Variants in DDAH1 observed in about 807,000 individuals in gnomAD.
DDAH1 encodes N(G),N(G)-dimethylarginine dimethylaminohydrolase 1.
A neutral mutation model predicts 28.8 loss-of-function variants in DDAH1; 19 were observed. The observed-to-expected ratio is 0.66, with a 90% confidence interval of 0.46 to 0.97. The LOEUF (loss-of-function observed/expected upper bound fraction) is 0.97. Among genes scored for constraint, DDAH1 ranks in the 50% least tolerant of loss-of-function variants. The pLI is 0.00. For synonymous variants in DDAH1, 153 were observed against 154.4 expected (o/e 0.99, Z 0.07); for missense variants, 326 against 375.9 (o/e 0.87, Z 1.10).
intron 1 of DDAH1, among the ~76,000 whole-genome samples, chr1:85,507,721 T>C (rs762833899): frequency 2.6e-5 from 4 of 152,202 alleles, no homozygotes; most frequent in Admixed American, 6.5e-5. Flanking sequence ...TAAGAGTCCT[T>C]TGAAGTTCTC....
At chr1:85,399,194 A>AT (rs1318191821) in intron 1 of DDAH1, 1 of 152,202 alleles carries the variant, frequency 6.6e-6, no homozygotes, top group African/African-American at 2.4e-5. Flanking sequence ...AACTCCTGGC[A>AT]TTATCCTTTT....
intron 1 of DDAH1, chr1:85,376,881 T>C (rs972472010): frequency 6.6e-6 from 1 of 150,626 alleles, no homozygotes; most frequent in African/African-American, 2.4e-5. Flanking sequence ...AAATAAGTAA[T>C]AGCCCCAATA....
At chr1:85,338,978 C>T (rs138233335) in intron 4 of DDAH1, among the ~76,000 whole-genome samples, 6,451 of 148,986 alleles carry the variant, frequency 0.043, 487 homozygotes, top group African/African-American at 0.15. Context: ...ACCTGGGAGG[C>T]GGAGGTTGCC....
In DDAH1 at chr1:85,464,899, G is replaced by A. The variant is rs756512211; in HGVS notation, c.147C>T (p.Leu49=). 3 of 1,569,776 alleles carry A rather than the reference G, an allele frequency of 1.9e-6. No individual in the cohort carries two copies. The highest frequency in any genetic ancestry group is 2.8e-5 in the African/African-American group (2 of 71,388). Residue 49 remains leucine, a synonymous_variant, in exon 1 of 6, where the codon CTC becomes CTT. Transcript: ENST00000284031. The surrounding 1 kb of genome is among the most constrained non-coding windows in gnomAD (Gnocchi z 4.4). ...GCTTGCTGCCCAGCACGCCCACGTA[G>A]AGCTGGTGCTGCCGTTCCGCGCGGG... The part of the protein sequence containing the change: ...DVARAERQHQ[L]YVGVLGSKLG...
At chr1:85,569,876 AC>A (rs1313461937) in intron 1 of DDAH1, among the ~76,000 whole-genome samples, 2 of 152,344 alleles carry the variant, frequency 1.3e-5, no homozygotes, top group East Asian at 3.9e-4. Context: ...TCTTGTTTCC[AC>A]AACCTAGTCT....
chr1:85,339,971 T>C (rs75470914), intron 4 of DDAH1, among the ~76,000 whole-genome samples: 1 of 151,576 alleles, frequency 6.6e-6, no homozygotes. Context: ...GAAATCATCC[T>C]TTTTTTTTAA....
In DDAH1 at chr1:85,480,296, C is replaced by T. The variant is rs544812820; in HGVS notation, c.-7+15870G>A. Among the ~76,000 whole-genome samples, 5 of 152,308 alleles carry T rather than the reference C, an allele frequency of 3.3e-5. No individual in the cohort carries two copies. In the South Asian group the frequency reaches 6.2e-4, roughly 19 times the overall value. ...CTGGAGTTCATTTTGTCAGATTCCT[C>T]TTAAGCTTCTAATAAAACCTAATAA... On this transcript the variant is annotated intron_variant, in intron 2 of 6. Transcript: ENST00000426972.
intron 1 of DDAH1, among the ~76,000 whole-genome samples, chr1:85,429,599 C>T (rs1399325062): frequency 3.3e-5 from 5 of 152,210 alleles, no homozygotes; most frequent in Admixed American, 3.3e-4. Flanking sequence ...ACACTGACTT[C>T]CACAATGGTT....
chr1:85,563,398 G>A (rs1386566347), intron 1 of DDAH1, among the ~76,000 whole-genome samples: 1 of 152,222 alleles, frequency 6.6e-6, no homozygotes, highest in African/African-American at 2.4e-5. Flanking sequence ...AGCAGCCAGA[G>A]TGGAAAACTT....
intron 1 of DDAH1, among the ~76,000 whole-genome samples, chr1:85,544,663 C>T (rs942747834): frequency 2.0e-5 from 3 of 152,128 alleles, no homozygotes; most frequent in African/African-American, 7.2e-5. Context: ...GAAATTTCTA[C>T]CCACCCACTC....
At chr1:85,522,680 T>C (rs1226641833) in intron 1 of DDAH1, among the ~76,000 whole-genome samples, 1 of 152,126 alleles carries the variant, frequency 6.6e-6, no homozygotes, top group Non-Finnish European at 1.5e-5. Flanking sequence ...CATCAAAGAC[T>C]ATTCATTTTT....
intron 4 of DDAH1, among the ~76,000 whole-genome samples, chr1:85,341,842 C>CA (rs34823363): frequency 0.16 from 23,338 of 150,564 alleles, 2,085 homozygotes; most frequent in Middle Eastern, 0.22. Context: ...AAAACAAAAA[C>CA]AAAAAAAAAC....
At chr1:85,538,398 G>T (rs1436646491) in intron 1 of DDAH1, among the ~76,000 whole-genome samples, 5 of 152,224 alleles carry the variant, frequency 3.3e-5, no homozygotes, top group African/African-American at 1.2e-4. Flanking sequence ...ACTTCAAGGT[G>T]AATCAGGCTA....
chr1:85,334,811 G>A (rs1044739954), intron 4 of DDAH1, among the ~76,000 whole-genome samples: 2 of 152,106 alleles, frequency 1.3e-5, no homozygotes, highest in Non-Finnish European at 2.9e-5. Context: ...ACACAAAGAA[G>A]TCTCCATCAG....
At chr1:85,360,039 A>G (rs1649703847) in intron 1 of DDAH1, among the ~76,000 whole-genome samples, 1 of 152,238 alleles carries the variant, frequency 6.6e-6, no homozygotes, top group Non-Finnish European at 1.5e-5. Flanking sequence ...AAGAGATCAC[A>G]TCACACTGGG....
chr1:85,447,324 C>A (rs977426351), intron 1 of DDAH1, among the ~76,000 whole-genome samples: 1 of 152,124 alleles, frequency 6.6e-6, no homozygotes, highest in African/African-American at 2.4e-5. Context: ...ATGAGGCTCT[C>A]CATTTAAACA....
intron 1 of DDAH1, among the ~76,000 whole-genome samples, chr1:85,442,333 C>T: frequency 6.6e-6 from 1 of 152,164 alleles, no homozygotes. Context: ...CCAGCTTCAT[C>T]CATGTCCCTA....
intron 1 of DDAH1, among the ~76,000 whole-genome samples, chr1:85,455,042 T>G (rs560062251): frequency 6.6e-6 from 1 of 152,296 alleles, no homozygotes; most frequent in South Asian, 2.1e-4. Flanking sequence ...AGAACTAGGA[T>G]GGCATGCAGA....
At chr1:85,505,173 GA>G in intron 1 of DDAH1, among the ~76,000 whole-genome samples, 1 of 151,650 alleles carries the variant, frequency 6.6e-6, no homozygotes, top group South Asian at 2.1e-4. Flanking sequence ...TTTTAGTAGA[GA>G]CAGAGTTGCA....
Sources: gnomAD v4.1 joint callset for allele counts (sites outside exome capture counted in the v4.1 genomes callset) on GRCh38, gnomAD v4.1.1 for gene constraint, Gnocchi (gnomAD v3.1) non-coding constraint, MANE v1.5 for transcripts, NCBI Gene and HGNC (gene_info 2026-07-23, HGNC 2026-07-21) for gene names.